The following CHRNA1 variants were observed in gnomAD, a reference collection of about 807,000 sequenced individuals.
The protein encoded by CHRNA1 is cholinergic receptor nicotinic alpha 1 subunit, also known as acetylcholine receptor subunit alpha.
A neutral mutation model predicts 47.1 loss-of-function variants in CHRNA1; 35 were observed. The observed-to-expected ratio is 0.74, with a 90% CI of 0.57 to 0.99. CHRNA1 has a LOEUF of 0.99. CHRNA1 is among the 50% of genes least tolerant of loss of function. The pLI is 0.00. For missense variants in CHRNA1, 506 were observed against 591.1 expected (o/e 0.86, Z 1.49); for synonymous variants, 229 against 223.6 (o/e 1.02, Z -0.22).
At chr2:174,753,254 C>T (rs1683893629) in intron 6 of CHRNA1, 1 of 642,386 alleles carries the variant, frequency 1.6e-6, no homozygotes, top group African/African-American at 1.8e-5. Flanking sequence ...TTTAACCAGC[C>T]TAAGCTACAC....
At chr2:174,749,449 A>G (rs180893590) in intron 7 of CHRNA1, among the ~76,000 whole-genome samples, 1 of 152,186 alleles carries the variant, frequency 6.6e-6, no homozygotes, top group Non-Finnish European at 1.5e-5. Flanking sequence ...TTGAAATGTT[A>G]AATTTTTAAA....
rs373004419 is a variant in CHRNA1 at position 174,759,415 on chromosome 2, G to A, written c.190-40C>T. 608 of 1,613,612 alleles carry A rather than the reference G, an allele frequency of 3.8e-4. 1 individual carries two copies. The highest frequency in any genetic ancestry group is 4.6e-4 in the Non-Finnish European group (543 of 1,179,664). On this transcript the variant is annotated intron_variant, in intron 2 of 8. Transcript: ENST00000348749. ...AAGGATCATTTTTATGGGGGAGAGAGGGGACCCAGGGGAGGAAACCCAGGG... is the reference window on the plus strand; with the variant it reads ...AAGGATCATTTTTATGGGGGAGAGAAGGGACCCAGGGGAGGAAACCCAGGG...
In CHRNA1 at chr2:174,748,814, A is replaced by T; in HGVS notation, c.1008T>A (p.Phe336Leu). The T allele has an allele frequency of 6.2e-7, 1 of 1,614,092 alleles. No homozygotes were observed. Among genetic ancestry groups the T allele is most frequent in the Non-Finnish European group, 8.5e-7 (1 of 1,180,030 alleles). ...HVMPNWVRKV[F>L]IDTIPNIMFF... ...ACATGATATTTGGGATAGTGTCGAT[A>T]AAAACCTAACATAAAAAAGAAATCC... The change falls in exon 8 of 9, where the codon TTT becomes TTA. Residue 336 changes from phenylalanine (F) to leucine (L), a missense_variant. Coordinates refer to ENST00000348749, the MANE Select transcript of CHRNA1 (RefSeq NM_000079.4).
At position 174,748,816 on chromosome 2, in the gene CHRNA1, A is replaced by C. The variant is rs755304714; in HGVS notation, c.1006T>G (p.Phe336Val). The C allele has an allele frequency of 6.2e-7, 1 of 1,613,944 alleles. No individual in the cohort carries two copies. Among genetic ancestry groups the C allele is most frequent in the African/African-American group, 1.3e-5 (1 of 74,898 alleles). Residue 336 changes from phenylalanine to valine, a missense_variant, in exon 8 of 9, where the codon TTT becomes GTT. Coordinates refer to ENST00000348749, the MANE Select transcript of CHRNA1 (RefSeq NM_000079.4). The part of the protein sequence containing the change: ...HVMPNWVRKV[F>V]IDTIPNIMFF... ...ATGATATTTGGGATAGTGTCGATAA[A>C]AACCTAACATAAAAAAGAAATCCAT...
Position 174,750,006 on chromosome 2 carries a change from G to T in CHRNA1, c.942C>A (p.Ile314=). The T allele has an allele frequency of 6.2e-7, 1 of 1,614,102 alleles. No homozygotes were observed. Among genetic ancestry groups the T allele is most frequent in the Non-Finnish European group, 8.5e-7 (1 of 1,180,012 alleles). ...GTGAGCGGTGGTGTGTGTTGATGACGATGACAGTGATGATGATGGAGGCAA... is the reference window on the plus strand; with the variant it reads ...GTGAGCGGTGGTGTGTGTTGATGACTATGACAGTGATGATGATGGAGGCAA... ...FVIASIIITV[I]VINTHHRSPS... Residue 314 remains isoleucine (I), a synonymous_variant, in exon 7 of 9, where the codon ATC becomes ATA. Transcript: ENST00000348749.
At chr2:174,764,325 C>A in intron 1 of CHRNA1, 27 bp downstream of exon 1, 1 of 1,610,376 alleles carries the variant, frequency 6.2e-7, no homozygotes, top group Non-Finnish European at 8.5e-7. Flanking sequence ...GGAGAGCCCT[C>A]TCCCCACCCC....
chr2:174,759,436 C>T (rs1684048303), intron 2 of CHRNA1, 52 bp downstream of exon 2: 1 of 1,613,884 alleles, frequency 6.2e-7, no homozygotes, highest in Admixed American at 1.7e-5. Context: ...GGAGGAAACC[C>T]AGGGGTGAGA....
Position 174,747,697 on chromosome 2 carries a change from A to G in CHRNA1, c.*427T>C. The G allele has an allele frequency of 4.7e-6, 1 of 213,472 alleles. No homozygotes were observed. Among genetic ancestry groups the G allele is most frequent in the Non-Finnish European group, 9.6e-6 (1 of 104,314 alleles). The allele number at this position is 213,472 out of a possible 1,614,324, so 13.2% of individuals were successfully genotyped here. A position where few individuals can be genotyped will look rare whatever the true frequency, so the allele number is the denominator to read the frequency against. On this transcript the variant is annotated 3_prime_UTR_variant, in exon 9 of 9. Coordinates refer to ENST00000348749, the MANE Select transcript of CHRNA1 (RefSeq NM_000079.4). Reference sequence around the variant, plus strand: ...GACTGGTAGATGGGGTTTTCTTAGTAGGTACAAAACTGACTCTTAAGCAAA... The same window carrying G: ...GACTGGTAGATGGGGTTTTCTTAGTGGGTACAAAACTGACTCTTAAGCAAA...
chr2:174,760,548 G>T (rs553679992), intron 1 of CHRNA1, among the ~76,000 whole-genome samples: 5 of 152,138 alleles, frequency 3.3e-5, no homozygotes, highest in South Asian at 4.1e-4. Flanking sequence ...CCAGGGACTG[G>T]GGGGGAGAGA....
Position 174,754,236 on chromosome 2 carries a change from C to T in CHRNA1, c.523G>A (p.Val175Ile). Residue 175 changes from valine (V) to isoleucine (I), a missense_variant, in exon 5 of 9, where the codon GTC (valine) becomes ATC (isoleucine). Physicochemically the swap from Val to Ile is conservative, Grantham distance 29. Coordinates refer to ENST00000348749, the MANE Select transcript of CHRNA1 (RefSeq NM_000079.4). ...CCACCTACCGGGTTGATGGCCACGA[C>T]AGAGCCGTCGTAGGTCCAGGTGCCC... is the stretch of plus-strand genomic sequence containing the variant. ...KLGTWTYDGS[V>I]VAINPESDQP... 6.2e-7 allele frequency: 1 copy of T among 1,613,668 alleles called. No individual in the cohort carries two copies. The highest frequency in any genetic ancestry group is 8.5e-7 in the Non-Finnish European group (1 of 1,179,956).
At chr2:174,763,936 G>A (rs1460448732) in intron 1 of CHRNA1, among the ~76,000 whole-genome samples, 1 of 152,074 alleles carries the variant, frequency 6.6e-6, no homozygotes, top group African/African-American at 2.4e-5. Flanking sequence ...GAGCAGTAAA[G>A]GGACTTGTTA....
intron 7 of CHRNA1, among the ~76,000 whole-genome samples, chr2:174,749,112 G>A (rs373782130): frequency 6.6e-6 from 1 of 152,172 alleles, no homozygotes; most frequent in African/African-American, 2.4e-5. Flanking sequence ...GCTTAAAAGC[G>A]TCAGGATCCC....
At position 174,759,577 on chromosome 2, in the gene CHRNA1, C is replaced by T. The variant is rs867045223; in HGVS notation, c.100G>A (p.Asp34Asn). The T allele has an allele frequency of 8.1e-6, 13 of 1,614,058 alleles. No individual in the cohort carries two copies. The East Asian group carries it at 2.7e-4, about 33-fold the overall frequency. ...ETRLVAKLFK[D>N]YSSVVRPVED... ...ACTGGCCGCACCACGCTGCTGTAGTCTTTAAATAGCTTTGCCACCAGACGG... is the reference window on the plus strand; with the variant it reads ...ACTGGCCGCACCACGCTGCTGTAGTTTTTAAATAGCTTTGCCACCAGACGG... Residue 34 changes from aspartate to asparagine, a missense_variant, in exon 2 of 9, where the codon GAC becomes AAC. Physicochemically the swap from Asp to Asn is conservative, Grantham distance 23 (BLOSUM62 1). Transcript: ENST00000348749.
Position 174,759,526 on chromosome 2 carries a change from C to T in CHRNA1, c.151G>A (p.Val51Ile). The change falls in exon 2 of 9, where the codon GTC becomes ATC. Residue 51 changes from valine to isoleucine, a missense_variant. By Grantham distance (29) the Val-to-Ile change is conservative (BLOSUM62 3). Coordinates refer to ENST00000348749, the MANE Select transcript of CHRNA1 (RefSeq NM_000079.4). ...PVEDHRQVVE[V>I]TVGLQLIQLI... ...TGTATCAGCTGCAGGCCCACGGTGA[C>T]CTCCACGACCTGGCGGTGGTCTTCC... The T allele has an allele frequency of 6.2e-7, 1 of 1,614,106 alleles. No individual in the cohort carries two copies. Among genetic ancestry groups the T allele is most frequent in the Non-Finnish European group, 8.5e-7 (1 of 1,180,016 alleles).
In CHRNA1 at chr2:174,754,418, CAAT is replaced by C. The variant is rs1683930214; in HGVS notation, c.345-7_345-5del. The C allele has an allele frequency of 6.2e-7, 1 of 1,613,812 alleles. No homozygotes were observed. The highest frequency in any genetic ancestry group is 1.1e-5 in the South Asian group (1 of 91,056). ...AATAGCAAAGTCACCATCTGCACTACAATTGGGATAAAAGAGGAAAATGGCTCC... is the reference window on the plus strand; with the variant it reads ...AATAGCAAAGTCACCATCTGCACTACTGGGATAAAAGAGGAAAATGGCTCC... On this transcript the variant is annotated splice_region_variant and splice_polypyrimidine_tract_variant and intron_variant, in intron 4 of 8. Transcript: ENST00000348749.
chr2:174,755,816 G>T (rs184724181), intron 4 of CHRNA1, among the ~76,000 whole-genome samples: 6 of 152,084 alleles, frequency 3.9e-5, no homozygotes, highest in Admixed American at 1.3e-4. Context: ...CAGGAAGATC[G>T]CTTGAGTCCA....
rs77490322 is a variant in CHRNA1 at position 174,753,302 on chromosome 2, C to T, written c.778+201G>A. On this transcript the variant is annotated intron_variant, in intron 6 of 8. Coordinates refer to ENST00000348749, the MANE Select transcript of CHRNA1 (RefSeq NM_000079.4). ...GGGTCATGTTCAACTCCCTGCCGCT[C>T]GGGGTGTCTGCCCCAGCTGTGAGCT... is the stretch of plus-strand genomic sequence containing the variant. 3.6e-3 allele frequency: 2,622 copies of T among 732,530 alleles called. 15 individuals are homozygous for T. Among genetic ancestry groups the T allele is most frequent in the African/African-American group, 0.012 (702 of 58,536 alleles). 45.4% of individuals were successfully genotyped at this position (732,530 alleles called of 1,614,324 possible).
In CHRNA1 at chr2:174,754,320, A is replaced by G. The variant is rs1224199250; in HGVS notation, c.439T>C (p.Tyr147His). ...AAGTGGGTGACGATGATCTCACAGT[A>G]GCTTTTAAAGATGGCTGGAGGTGTC... Reference protein sequence around the residue: ...TWTPPAIFKSYCEIIVTHFPF... With the variant: ...TWTPPAIFKSHCEIIVTHFPF... The change falls in exon 5 of 9, where the codon TAC (tyrosine) becomes CAC (histidine). Residue 147 changes from tyrosine to histidine, a missense_variant. Transcript: ENST00000348749. 3.1e-6 allele frequency: 5 copies of G among 1,614,086 alleles called. No homozygotes were observed. The Admixed American group carries it at 6.7e-5, about 22-fold the overall frequency.
At chr2:174,748,494 C>A in intron 8 of CHRNA1, 86 bp downstream of exon 8, 1 of 1,536,868 alleles carries the variant, frequency 6.5e-7, no homozygotes, top group Non-Finnish European at 8.8e-7. Context: ...TGTATGCCAC[C>A]TACTTGTTAA....
Sources: allele counts gnomAD v4.1 joint callset (sites outside exome capture counted in the v4.1 genomes callset), GRCh38; gene constraint gnomAD v4.1.1; transcripts MANE v1.5; gene names NCBI Gene and HGNC (gene_info 2026-07-23, HGNC 2026-07-21).